Variants in SYN2 observed in about 807,000 individuals in gnomAD.
The protein encoded by SYN2 is synapsin-2.
A neutral mutation model predicts 50.9 loss-of-function variants in SYN2; 19 were observed. That is an observed-to-expected ratio of 0.37 (90% confidence interval 0.26 to 0.55). The LOEUF (loss-of-function observed/expected upper bound fraction) is 0.55, where lower values mean the gene tolerates loss of function less well. Ranked by LOEUF, SYN2 falls within the 20% of genes least tolerant of loss-of-function variation. The pLI is 0.81. For missense variants in SYN2, 587 were observed against 576.4 expected (o/e 1.02, Z -0.19); for synonymous variants, 255 against 224.9 (o/e 1.13, Z -1.20).
chr3:12,074,850 CTT>C (rs772158270), intron 1 of SYN2, among the ~76,000 whole-genome samples: 8 of 152,104 alleles, frequency 5.3e-5, no homozygotes, highest in Non-Finnish European at 1.0e-4. Context: ...TTCCTGATGA[CTT>C]TGCAGTTTCT....
intron 1 of SYN2, among the ~76,000 whole-genome samples, chr3:12,016,870 A>C (rs1003201464): frequency 8.5e-5 from 13 of 152,128 alleles, no homozygotes; most frequent in African/African-American, 3.1e-4. Flanking sequence ...CAACAAAATT[A>C]TGGATATAGG....
intron 5 of SYN2, chr3:12,159,128 G>A (rs1488460796): frequency 1.4e-5 from 6 of 414,650 alleles, no homozygotes; most frequent in Admixed American, 4.2e-5. Flanking sequence ...AAGCAGAGGG[G>A]AAGCACTGGG....
At chr3:12,167,132 G>A (rs1574879394) in intron 7 of SYN2, 102 bp from the exon 8 acceptor site, 2 of 1,173,950 alleles carry the variant, frequency 1.7e-6, no homozygotes, top group East Asian at 5.1e-5. Context: ...GGGAGAAGCA[G>A]GTGTGGAAAG....
At chr3:12,117,527 G>A (rs1019367129) in intron 1 of SYN2, among the ~76,000 whole-genome samples, 63 of 152,294 alleles carry the variant, frequency 4.1e-4, no homozygotes, top group African/African-American at 1.5e-3. Flanking sequence ...TTGTGCCTGT[G>A]TAAGAGCTCA....
chr3:12,167,433 A>T, intron 8 of SYN2, 125 bp downstream of exon 8: 1 of 930,092 alleles, frequency 1.1e-6, no homozygotes, highest in Non-Finnish European at 1.7e-6. Flanking sequence ...TAAAACACAA[A>T]AGGCCCAAGT....
chr3:12,131,948 CTG>C (rs1005985999), intron 1 of SYN2, among the ~76,000 whole-genome samples: 3 of 151,764 alleles, frequency 2.0e-5, no homozygotes, highest in Admixed American at 6.6e-5. Flanking sequence ...GCCTAGGACT[CTG>C]TATTAGATTG....
intron 1 of SYN2, among the ~76,000 whole-genome samples, chr3:12,022,093 A>AG (rs2125136138): frequency 6.6e-6 from 1 of 151,082 alleles, no homozygotes; most frequent in East Asian, 2.0e-4. Flanking sequence ...AAAAAAAAAA[A>AG]GAGGTTCTTT....
chr3:12,117,371 A>G (rs1696457724), intron 1 of SYN2, among the ~76,000 whole-genome samples: 1 of 152,206 alleles, frequency 6.6e-6, no homozygotes, highest in Non-Finnish European at 1.5e-5. Flanking sequence ...TTTCTTAGGT[A>G]CTTGGGATTC....
In SYN2 at chr3:12,089,975, A is replaced by C. The variant is rs138323385; in HGVS notation, c.378-50676A>C. Among the ~76,000 whole-genome samples, 270 of 152,282 alleles carry C rather than the reference A, an allele frequency of 1.8e-3. 3 individuals are homozygous for C. Among genetic ancestry groups the C allele is most frequent in the East Asian group, 1.5e-3 (8 of 5,186 alleles). Reference sequence around the variant, plus strand: ...CTTATCTACAACAAGAAGGAGTTAGATTAGAGAATTCAATGAGCACTAGGT... The same window carrying C: ...CTTATCTACAACAAGAAGGAGTTAGCTTAGAGAATTCAATGAGCACTAGGT... On this transcript the variant is annotated intron_variant, in intron 1 of 12. Transcript: ENST00000621198.
At chr3:12,130,343 G>T (rs927450841) in intron 1 of SYN2, among the ~76,000 whole-genome samples, 2 of 152,120 alleles carry the variant, frequency 1.3e-5, no homozygotes, top group Non-Finnish European at 2.9e-5. Context: ...ACCCAGGAGA[G>T]CTAATGATAG....
chr3:12,046,842 A>G (rs927434221), intron 1 of SYN2, among the ~76,000 whole-genome samples: 3 of 152,172 alleles, frequency 2.0e-5, no homozygotes, highest in Non-Finnish European at 4.4e-5. Flanking sequence ...AGCTGGGTGG[A>G]TGGAGGTTGC....
chr3:12,087,003 G>A (rs908317384), intron 1 of SYN2, among the ~76,000 whole-genome samples: 3 of 152,078 alleles, frequency 2.0e-5, no homozygotes, highest in Admixed American at 2.0e-4. Flanking sequence ...AATGAATTTA[G>A]TTAAGTTTAA....
At chr3:12,077,691 G>A (rs779427353) in intron 1 of SYN2, among the ~76,000 whole-genome samples, 11 of 152,206 alleles carry the variant, frequency 7.2e-5, no homozygotes, top group South Asian at 4.2e-4. Flanking sequence ...TGGTGTATAC[G>A]TACCACATTT....
At chr3:12,130,846 T>A (rs183826658) in intron 1 of SYN2, among the ~76,000 whole-genome samples, 1 of 152,248 alleles carries the variant, frequency 6.6e-6, no homozygotes, top group Admixed American at 6.5e-5. Flanking sequence ...CTGTTTAAAG[T>A]GACAAATCAA....
In SYN2 at chr3:12,187,432, C is replaced by T. The variant is rs1405729835; in HGVS notation, c.1433C>T (p.Pro478Leu). The change falls in exon 12 of 13, where the codon CCC becomes CTC. Residue 478 changes from proline to leucine, a missense_variant. By Grantham distance (98) the Pro-to-Leu change is moderately conservative. Transcript: ENST00000621198. ...AAGGTGCTGCCTCCACGCCGGCTCC[C>T]CCCTGGACCATCACTGCCACCTTCC... is the stretch of plus-strand genomic sequence containing the variant. Reference protein sequence around the residue: ...PGKVLPPRRLPPGPSLPPSSS... With the variant: ...PGKVLPPRRLLPGPSLPPSSS... The T allele has an allele frequency of 6.4e-7, 1 of 1,552,744 alleles. No individual in the cohort carries two copies. Among genetic ancestry groups the T allele is most frequent in the African/African-American group, 1.4e-5 (1 of 73,104 alleles).
chr3:12,186,840 A>G (rs1698350391), intron 11 of SYN2, among the ~76,000 whole-genome samples: 1 of 152,186 alleles, frequency 6.6e-6, no homozygotes, highest in Admixed American at 6.5e-5. Context: ...TTAAAAGACA[A>G]CTAAGACCAG....
In SYN2 at chr3:12,191,775, CT is replaced by C. The variant is rs1452954688; in HGVS notation, c.*1151del. ...GTCAATTTAGACTCACTTGCCTGGT[CT>C]ATCATCAAGCTCCTCAGCTGAGGCC... On this transcript the variant is annotated 3_prime_UTR_variant, in exon 13 of 13. Transcript: ENST00000621198. 2.0e-5 allele frequency among the ~76,000 whole-genome samples: 3 copies of C among 152,144 alleles called. No homozygotes were observed. The highest frequency in any genetic ancestry group is 7.2e-5 in the African/African-American group (3 of 41,416).
intron 7 of SYN2, among the ~76,000 whole-genome samples, chr3:12,164,660 T>C (rs2125238909): frequency 6.6e-6 from 1 of 152,320 alleles, no homozygotes; most frequent in East Asian, 1.9e-4. Context: ...GTGGAGGTCA[T>C]ATGATTTTTG....
rs573975437 is a variant in SYN2 at position 12,064,896 on chromosome 3, C to T, written c.377+59968C>T. Among the ~76,000 whole-genome samples, 17 of 152,160 alleles carry T rather than the reference C, an allele frequency of 1.1e-4. No individual in the cohort carries two copies. In the East Asian group the frequency reaches 2.3e-3, roughly 21 times the overall value. ...GGTATACCTGAGAGGATTTAAAACA[C>T]GTGTTCACCCAACAACTTGTACACA... is the stretch of plus-strand genomic sequence containing the variant. On this transcript the variant is annotated intron_variant, in intron 1 of 12. Transcript: ENST00000621198.
Sources: gnomAD v4.1 joint callset for allele counts (sites outside exome capture counted in the v4.1 genomes callset) on GRCh38, gnomAD v4.1.1 for gene constraint, MANE v1.5 for transcripts, NCBI Gene and HGNC (gene_info 2026-07-23, HGNC 2026-07-21) for gene names.